CPVL: variants seen among roughly 807,000 people sequenced by gnomAD.
The protein encoded by CPVL is probable serine carboxypeptidase CPVL.
Under a neutral mutation model 63.7 loss-of-function variants are expected in CPVL, and 51 were observed. The ratio of observed to expected loss-of-function variants is 0.80; its 90% confidence interval spans 0.64 to 1.01. The LOEUF (loss-of-function observed/expected upper bound fraction) is 1.01, where lower values mean the gene tolerates loss of function less well. Among genes scored for constraint, CPVL ranks in the 50% least tolerant of loss-of-function variants. The pLI is 0.00. For synonymous variants in CPVL, 195 were observed against 206.0 expected (o/e 0.95, Z 0.46); for missense variants, 530 against 573.1 (o/e 0.92, Z 0.77).
intron 7 of CPVL, among the ~76,000 whole-genome samples, chr7:29,080,527 C>T (rs1259396749): frequency 1.4e-5 from 2 of 145,498 alleles, no homozygotes; most frequent in Non-Finnish European, 3.0e-5. Context: ...TGCTGCACTC[C>T]AGCTTAGGCA....
At chr7:29,040,866 A>T (rs1360370644) in intron 11 of CPVL, among the ~76,000 whole-genome samples, 1 of 152,188 alleles carries the variant, frequency 6.6e-6, no homozygotes, top group East Asian at 1.9e-4. Flanking sequence ...GGAACAACAA[A>T]GCCAACTTGA....
At chr7:29,115,393 A>G (rs1788679618) in intron 2 of CPVL, among the ~76,000 whole-genome samples, 1 of 152,152 alleles carries the variant, frequency 6.6e-6, no homozygotes, top group Non-Finnish European at 1.5e-5. Context: ...GCCAGAGAAA[A>G]AGAGAGAGAG....
intron 5 of CPVL, among the ~76,000 whole-genome samples, chr7:29,157,535 G>C (rs1794571536): frequency 6.6e-6 from 1 of 152,150 alleles, no homozygotes; most frequent in Non-Finnish European, 1.5e-5. Flanking sequence ...AAAATGTTCA[G>C]ACTGATGCAC....
At chr7:29,012,251 A>G (rs1785925479) in intron 12 of CPVL, 1 of 152,142 alleles carries the variant, frequency 6.6e-6, no homozygotes, top group Non-Finnish European at 1.5e-5. Flanking sequence ...TGGCTAGTGG[A>G]CATCTTTGCT....
intron 1 of CPVL, among the ~76,000 whole-genome samples, chr7:29,135,828 T>C (rs1010844857): frequency 6.6e-6 from 1 of 152,138 alleles, no homozygotes; most frequent in African/African-American, 2.4e-5. Context: ...CCTCCCAGAG[T>C]GCTGCTATTA....
At chr7:29,091,981 TA>T (rs909369891) in intron 6 of CPVL, among the ~76,000 whole-genome samples, 2 of 152,132 alleles carry the variant, frequency 1.3e-5, no homozygotes, top group Non-Finnish European at 2.9e-5. Context: ...TTATAATACA[TA>T]AAGCGGTGCC....
At chr7:29,128,799 G>A (rs1318202012) in intron 1 of CPVL, among the ~76,000 whole-genome samples, 1 of 152,062 alleles carries the variant, frequency 6.6e-6, no homozygotes. Flanking sequence ...CTAACAATGA[G>A]TGGGAAACAC....
At chr7:29,101,729 T>C (rs993670251) in intron 3 of CPVL, among the ~76,000 whole-genome samples, 1 of 152,180 alleles carries the variant, frequency 6.6e-6, no homozygotes, top group Non-Finnish European at 1.5e-5. Context: ...AAATTCTACT[T>C]CCTAGAGATG....
chr7:29,146,410 C>T lies in CPVL; in HGVS notation c.-11+19G>A, dbSNP rs979386986. ...TCCCGCTGAGCTGGCACGACCCACG[C>T]AGGGCAGGCGGCACTTACGCGGCGC... On this transcript the variant is annotated intron_variant, in intron 1 of 12. Coordinates refer to ENST00000265394, the MANE Select transcript of CPVL (RefSeq NM_031311.5). 1.0e-5 allele frequency: 10 copies of T among 974,314 alleles called. No individual in the cohort carries two copies. In the African/African-American group the frequency reaches 1.6e-4, roughly 16 times the overall value. The allele number at this position is 974,314 out of a possible 1,614,324, so 60.4% of individuals were successfully genotyped here. A position where few individuals can be genotyped will look rare whatever the true frequency, so the allele number is the denominator to read the frequency against.
chr7:29,059,229 T>G (rs1414237225), intron 11 of CPVL, among the ~76,000 whole-genome samples: 1 of 152,196 alleles, frequency 6.6e-6, no homozygotes, highest in Non-Finnish European at 1.5e-5. Flanking sequence ...TACAGTGTTT[T>G]TGATCTCTAA....
chr7:29,183,876 C>A (rs1798374738), intron 4 of CPVL, among the ~76,000 whole-genome samples: 1 of 151,914 alleles, frequency 6.6e-6, no homozygotes, highest in African/African-American at 2.4e-5. Flanking sequence ...TTAGAAAAAA[C>A]AATAAAAATT....
At chr7:29,149,455 A>G (rs1793285110), upstream of CPVL, among the ~76,000 whole-genome samples, 1 of 152,012 alleles carries the variant, frequency 6.6e-6, no homozygotes, top group African/African-American at 2.4e-5. Flanking sequence ...TGGCCTCCCA[A>G]AGTGCTGGGA....
intron 11 of CPVL, among the ~76,000 whole-genome samples, chr7:29,055,057 T>G (rs965341908): frequency 1.5e-4 from 23 of 152,200 alleles, no homozygotes; most frequent in Non-Finnish European, 2.8e-4. Flanking sequence ...TTGTTTTATC[T>G]CTCATATGTC....
intron 7 of CPVL, among the ~76,000 whole-genome samples, chr7:29,077,163 C>A (rs1211052288): frequency 1.3e-5 from 2 of 152,142 alleles, no homozygotes; most frequent in Non-Finnish European, 2.9e-5. Flanking sequence ...TCAATCAGCT[C>A]CTCCAGAGGA....
intron 1 of CPVL, among the ~76,000 whole-genome samples, chr7:29,143,225 T>C (rs1792089009): frequency 6.6e-6 from 1 of 152,260 alleles, no homozygotes; most frequent in Admixed American, 6.5e-5. Flanking sequence ...TCTTAGCCTA[T>C]GCTCCGCCAA....
chr7:29,045,962 G>A (rs945623660), intron 11 of CPVL, among the ~76,000 whole-genome samples: 67 of 152,108 alleles, frequency 4.4e-4, no homozygotes, highest in African/African-American at 1.6e-3. Context: ...GTCTGGTAGT[G>A]AAGCTAAGAA....
chr7:29,021,907 G>C (rs576359432), intron 12 of CPVL, among the ~76,000 whole-genome samples: 5 of 152,152 alleles, frequency 3.3e-5, no homozygotes, highest in African/African-American at 1.2e-4. Flanking sequence ...ACAGCATCAC[G>C]ATACTGGCTG....
At chr7:29,055,579 T>A (rs1024102039) in intron 11 of CPVL, among the ~76,000 whole-genome samples, 3 of 152,184 alleles carry the variant, frequency 2.0e-5, no homozygotes, top group Non-Finnish European at 4.4e-5. Flanking sequence ...TATTTGCTTC[T>A]GCTAGTTGCC....
intron 1 of CPVL, chr7:29,124,854 T>A (rs999097714): frequency 3.9e-5 from 6 of 152,102 alleles, no homozygotes; most frequent in African/African-American, 1.2e-4. Context: ...GTTGCTTTTT[T>A]AAAAAAACAA....
Sources: allele counts gnomAD v4.1 joint callset (sites outside exome capture counted in the v4.1 genomes callset), GRCh38; gene constraint gnomAD v4.1.1; transcripts MANE v1.5; gene names NCBI Gene and HGNC (gene_info 2026-07-23, HGNC 2026-07-21).